NCAM1: variants seen among roughly 807,000 people sequenced by gnomAD.
NCAM1 encodes neural cell adhesion molecule 1, also known as antigen recognized by monoclonal antibody 5.1H11.
Under a neutral mutation model 109.8 loss-of-function variants are expected in NCAM1, and 14 were observed. The ratio of observed to expected loss-of-function variants is 0.13; its 90% CI spans 0.08 to 0.20. The LOEUF is 0.20. Ranked by LOEUF, NCAM1 falls within the 10% of genes least tolerant of loss-of-function variation. NCAM1 has a pLI of 1.00. For synonymous variants in NCAM1, 418 were observed against 442.9 expected, an observed-to-expected ratio of 0.94 and a Z score of 0.70; for missense variants, 774 against 1,109.9, an observed-to-expected ratio of 0.70 and a Z score of 4.30.
intron 1 of NCAM1, among the ~76,000 whole-genome samples, chr11:113,013,246 G>A (rs1555074778): frequency 6.6e-6 from 1 of 151,872 alleles, no homozygotes; most frequent in African/African-American, 2.4e-5. Flanking sequence ...GGCCAACATG[G>A]TGAGACCCCA....
chr11:113,121,945 T>G (rs1037844374), intron 1 of NCAM1, among the ~76,000 whole-genome samples: 3 of 152,232 alleles, frequency 2.0e-5, no homozygotes, highest in Admixed American at 6.5e-5. Flanking sequence ...GGTCTTGCTT[T>G]GCACTGATTC....
intron 1 of NCAM1, chr11:113,133,621 G>C (rs1015846194): frequency 7.2e-5 from 11 of 152,066 alleles, no homozygotes; most frequent in African/African-American, 2.4e-4. Context: ...ACATCTCCTG[G>C]GGCCTGGTGT....
chr11:113,136,547 C>CATGCG (rs1432187111), intron 1 of NCAM1, among the ~76,000 whole-genome samples: 1 of 152,188 alleles, frequency 6.6e-6, no homozygotes, highest in Non-Finnish European at 1.5e-5. Flanking sequence ...GACGAGGAGG[C>CATGCG]ATGCGTGAAG....
At chr11:113,017,194 G>A (rs559707576) in intron 1 of NCAM1, among the ~76,000 whole-genome samples, 9 of 152,250 alleles carry the variant, frequency 5.9e-5, no homozygotes, top group East Asian at 1.9e-4. Context: ...GACACTCTTC[G>A]TTTACTACAG....
intron 1 of NCAM1, among the ~76,000 whole-genome samples, chr11:113,083,199 A>G (rs984828604): frequency 3.3e-5 from 5 of 152,156 alleles, no homozygotes; most frequent in Non-Finnish European, 5.9e-5. Flanking sequence ...CGTGCCATAC[A>G]CTACTAAACT....
chr11:112,985,765 C>T (rs1226070604), intron 1 of NCAM1, among the ~76,000 whole-genome samples: 1 of 151,846 alleles, frequency 6.6e-6, no homozygotes, highest in East Asian at 1.9e-4. Context: ...TTGTATCCTG[C>T]AGTTTCACTG....
intron 1 of NCAM1, among the ~76,000 whole-genome samples, chr11:113,146,296 A>G (rs1226070673): frequency 1.3e-5 from 2 of 152,234 alleles, no homozygotes; most frequent in Non-Finnish European, 2.9e-5. Flanking sequence ...CTTTGAATAC[A>G]ATGAGCAGAA....
rs567567354 is a variant in NCAM1, at chr11:113,276,990, T to C, written c.*1603T>C. The C allele has an allele frequency of 4.8e-6, 1 of 208,186 alleles. No individual in the cohort carries two copies. Among genetic ancestry groups the C allele is most frequent in the African/African-American group, 2.3e-5 (1 of 43,880 alleles). 12.9% of individuals were successfully genotyped at this position (208,186 alleles called of 1,614,324 possible). ...ATAGTATTGAAATAAAACTTCAACA[T>C]AGTTTGGTTGTGGAAGGTATAGCAG... is the stretch of plus-strand genomic sequence containing the variant. On this transcript the variant is annotated 3_prime_UTR_variant, in exon 20 of 20. Transcript: ENST00000316851.
intron 5 of NCAM1, among the ~76,000 whole-genome samples, chr11:113,206,443 A>G (rs935323137): frequency 4.0e-5 from 6 of 151,114 alleles, no homozygotes; most frequent in African/African-American, 1.5e-4. Flanking sequence ...AGCACTAAAA[A>G]CTTTCCCCCT....
chr11:113,008,114 G>A (rs577199857), intron 1 of NCAM1, among the ~76,000 whole-genome samples: 10 of 152,234 alleles, frequency 6.6e-5, no homozygotes, highest in African/African-American at 2.2e-4. Context: ...CATTAATTAT[G>A]GTAACTAAGA....
chr11:113,083,917 T>C (rs1555087778), intron 1 of NCAM1, among the ~76,000 whole-genome samples: 1 of 152,026 alleles, frequency 6.6e-6, no homozygotes, highest in Admixed American at 6.6e-5. Flanking sequence ...AGTAAAAAAG[T>C]GAAGAGCCAG....
chr11:113,067,957 C>CTGAAGTGCA (rs1938050823), intron 1 of NCAM1, among the ~76,000 whole-genome samples: 1 of 143,550 alleles, frequency 7.0e-6, no homozygotes, highest in Admixed American at 7.5e-5. Flanking sequence ...GTCACCCAGG[C>CTGAAGTGCA]TGAAGTGCAG....
chr11:113,117,024 A>G (rs913661073), intron 1 of NCAM1, among the ~76,000 whole-genome samples: 1 of 151,910 alleles, frequency 6.6e-6, no homozygotes, highest in Non-Finnish European at 1.5e-5. Context: ...TTTGAATAAG[A>G]CTGGAGTAGA....
intron 1 of NCAM1, among the ~76,000 whole-genome samples, chr11:113,200,344 G>A (rs1944011133): frequency 6.6e-6 from 1 of 152,148 alleles, no homozygotes; most frequent in African/African-American, 2.4e-5. Context: ...GATAGCACTG[G>A]CCTGCAGCTC....
At chr11:113,039,869 G>A (rs1402926132) in intron 1 of NCAM1, among the ~76,000 whole-genome samples, 4 of 152,138 alleles carry the variant, frequency 2.6e-5, no homozygotes, top group African/African-American at 4.8e-5. Context: ...GGCCAGGCAC[G>A]GTGGCTCACA....
At chr11:113,096,552 G>A (rs1343043782) in intron 1 of NCAM1, among the ~76,000 whole-genome samples, 1 of 152,162 alleles carries the variant, frequency 6.6e-6, no homozygotes, top group Admixed American at 6.5e-5. Flanking sequence ...GATGGAAATT[G>A]AACCCTGAGT....
chr11:113,141,626 C>T (rs782737323), intron 1 of NCAM1, among the ~76,000 whole-genome samples: 32 of 152,220 alleles, frequency 2.1e-4, no homozygotes, highest in Non-Finnish European at 3.7e-4. Context: ...TCCAGCCTGG[C>T]GACAGAGGGA....
intron 1 of NCAM1, among the ~76,000 whole-genome samples, chr11:113,175,211 G>A (rs1555106835): frequency 3.3e-5 from 5 of 152,348 alleles, no homozygotes. Flanking sequence ...AACACGAGGA[G>A]TTGATGGAAG....
intron 1 of NCAM1, among the ~76,000 whole-genome samples, chr11:113,135,367 T>C (rs1555099199): frequency 6.6e-6 from 1 of 152,186 alleles, no homozygotes; most frequent in African/African-American, 2.4e-5. Context: ...GAGTATGTCC[T>C]AGACTGGGGA....
Sources: allele counts gnomAD v4.1 joint callset (sites outside exome capture counted in the v4.1 genomes callset), GRCh38; gene constraint gnomAD v4.1.1; transcripts MANE v1.5; gene names NCBI Gene and HGNC (gene_info 2026-07-23, HGNC 2026-07-21).